Variants in SRGAP3 observed in about 807,000 individuals in gnomAD.
The protein encoded by SRGAP3 is SLIT-ROBO Rho GTPase-activating protein 3.
Under a neutral mutation model 121.1 loss-of-function variants are expected in SRGAP3, and 39 were observed. That is an observed-to-expected ratio of 0.32 (90% CI 0.25 to 0.42). The LOEUF (loss-of-function observed/expected upper bound fraction) is 0.42. SRGAP3 is among the 10% of genes least tolerant of loss of function. The pLI, the probability that SRGAP3 is intolerant of heterozygous loss-of-function variation, is 1.00. For missense variants in SRGAP3, 1,213 were observed against 1,470.6 expected (o/e 0.82, Z 2.86); for synonymous variants, 601 against 570.0 (o/e 1.05, Z -0.77).
At chr3:9,202,583 C>A (rs1250090691) in intron 1 of SRGAP3, among the ~76,000 whole-genome samples, 1 of 152,232 alleles carries the variant, frequency 6.6e-6, no homozygotes, top group Non-Finnish European at 1.5e-5. Context: ...AAGGCACAGA[C>A]CTCCACATGG....
intron 1 of SRGAP3, among the ~76,000 whole-genome samples, chr3:9,188,490 C>T (rs547825412): frequency 6.6e-6 from 1 of 152,322 alleles, no homozygotes; most frequent in African/African-American, 2.4e-5. Flanking sequence ...CCTGTCTCCA[C>T]CCAGCAATCA....
chr3:9,010,357 G>A lies in SRGAP3; in HGVS notation c.2178C>T (p.Ile726=), dbSNP rs200779287. 20 of 1,613,950 alleles carry A rather than the reference G, an allele frequency of 1.2e-5. No individual in the cohort carries two copies. The highest frequency in any genetic ancestry group is 6.7e-5 in the Admixed American group (4 of 59,982). Reference sequence around the variant, plus strand: ...TGCCATTGTCATGGTCAACTTCATCGATGGCCCCTGGCTCGCTGTGTGGGC... The same window carrying A: ...TGCCATTGTCATGGTCAACTTCATCAATGGCCCCTGGCTCGCTGTGTGGGC... The part of the protein sequence containing the change: ...CDSPHSEPGA[I]DEVDHDNGTE... The change falls in exon 18 of 22, where the codon ATC becomes ATT. Residue 726 remains isoleucine (I), a synonymous_variant. Transcript: ENST00000383836.
In SRGAP3 at chr3:9,281,793, C is replaced by T. The variant is rs1954685174; in HGVS notation, n.442+44217G>A. 4.6e-5 allele frequency among the ~76,000 whole-genome samples: 7 copies of T among 152,258 alleles called. No individual in the cohort carries two copies. The South Asian group carries it at 1.2e-3, about 27-fold the overall frequency. On this transcript the variant is annotated intron_variant and non_coding_transcript_variant, in intron 3 of 3. Transcript: ENST00000490889. ...GTTCAAGCGATTCTCATGCCTCAGT[C>T]TCCCAAGTAGTTGGGACTACAGGCA...
chr3:9,338,244 G>A (rs1955724649), intron 1 of SRGAP3, among the ~76,000 whole-genome samples: 1 of 152,166 alleles, frequency 6.6e-6, no homozygotes, highest in Non-Finnish European at 1.5e-5. Flanking sequence ...ATGGAAAAGT[G>A]CTTGCATATA....
intron 4 of SRGAP3, among the ~76,000 whole-genome samples, chr3:9,073,581 T>C (rs1946823442): frequency 6.6e-6 from 1 of 152,228 alleles, no homozygotes; most frequent in African/African-American, 2.4e-5. Flanking sequence ...CCACCTGGGC[T>C]CTCTGTGCCT....
At chr3:8,987,670 T>C (rs1941798400) in intron 21 of SRGAP3, among the ~76,000 whole-genome samples, 1 of 123,230 alleles carries the variant, frequency 8.1e-6, no homozygotes. Context: ...GTCTGGCTAA[T>C]GGCTAATATT....
At chr3:9,050,839 CG>C (rs546333178) in intron 9 of SRGAP3, among the ~76,000 whole-genome samples, 40 of 152,222 alleles carry the variant, frequency 2.6e-4, no homozygotes, top group Non-Finnish European at 2.1e-4. Flanking sequence ...TGCTAAGCTC[CG>C]CTTTGTTTTC....
chr3:9,016,650 T>G (rs2125042809), intron 14 of SRGAP3, among the ~76,000 whole-genome samples: 1 of 152,286 alleles, frequency 6.6e-6, no homozygotes, highest in East Asian at 1.9e-4. Context: ...ATACTCGAAG[T>G]GTCAAGATGA....
At chr3:9,132,181 C>A (rs1234170138) in intron 1 of SRGAP3, among the ~76,000 whole-genome samples, 3 of 152,184 alleles carry the variant, frequency 2.0e-5, no homozygotes, top group Non-Finnish European at 4.4e-5. Context: ...CCCCTCTCCA[C>A]TGCACAGTTT....
At position 9,109,422 on chromosome 3, in the gene SRGAP3, G is replaced by A. The variant is rs1405393570; in HGVS notation, c.261-4580C>T. Among the ~76,000 whole-genome samples the A allele has an allele frequency of 1.3e-5, 2 of 152,202 alleles. No homozygotes were observed. Among genetic ancestry groups the A allele is most frequent in the Non-Finnish European group, 2.9e-5 (2 of 68,028 alleles). Reference sequence around the variant, plus strand: ...TGCGGTATAAGACAGAATTGCAGGAGGCAGAGCGAGCCAAGGCAAGGAGGA... The same window carrying A: ...TGCGGTATAAGACAGAATTGCAGGAAGCAGAGCGAGCCAAGGCAAGGAGGA... On this transcript the variant is annotated intron_variant, in intron 2 of 21. Coordinates refer to ENST00000383836, the MANE Select transcript of SRGAP3 (RefSeq NM_014850.4). The surrounding 1 kb of genome is among the most constrained non-coding windows in gnomAD (Gnocchi z 4.4).
At chr3:9,102,630 G>C (rs1948261253) in intron 3 of SRGAP3, among the ~76,000 whole-genome samples, 1 of 152,224 alleles carries the variant, frequency 6.6e-6, no homozygotes, top group African/African-American at 2.4e-5. Flanking sequence ...AGCCAGCCAG[G>C]CTCCGTCCGC....
intron 1 of SRGAP3, among the ~76,000 whole-genome samples, chr3:9,357,726 T>C (rs368576205): frequency 6.6e-6 from 1 of 152,194 alleles, no homozygotes; most frequent in African/African-American, 2.4e-5. Flanking sequence ...AGGATACTAT[T>C]TATTTTCATT....
rs150506307 is a variant in SRGAP3 at position 9,048,917 on chromosome 3, A to T, written c.1324-1442T>A. Among the ~76,000 whole-genome samples, 293 of 152,306 alleles carry T rather than the reference A, an allele frequency of 1.9e-3. 3 individuals carry two copies. The highest frequency in any genetic ancestry group is 3.9e-3 in the East Asian group (20 of 5,190). On this transcript the variant is annotated intron_variant, in intron 9 of 21. Transcript: ENST00000383836. ...AGTGGACATTTGAGCCAAGGCCTGA[A>T]GGAGGTAGAAAGGGGGCCACATGGG...
intron 1 of SRGAP3, among the ~76,000 whole-genome samples, chr3:9,147,420 C>T (rs959848763): frequency 6.6e-6 from 1 of 152,118 alleles, no homozygotes; most frequent in East Asian, 1.9e-4. Context: ...GACCACAAAC[C>T]TACAGCAGCC....
At chr3:9,074,202 T>C (rs1946852718) in intron 4 of SRGAP3, among the ~76,000 whole-genome samples, 1 of 152,092 alleles carries the variant, frequency 6.6e-6, no homozygotes, top group Non-Finnish European at 1.5e-5. Context: ...CCAGTGGAGA[T>C]GGGGAATGGA....
intron 3 of SRGAP3, among the ~76,000 whole-genome samples, chr3:9,263,281 G>C (rs567405055): frequency 6.6e-6 from 1 of 151,918 alleles, no homozygotes; most frequent in Non-Finnish European, 1.5e-5. Context: ...ATCTAAAATC[G>C]ATACCCTAAC....
intron 1 of SRGAP3, among the ~76,000 whole-genome samples, chr3:9,343,697 G>A (rs1955832188): frequency 6.6e-6 from 1 of 151,988 alleles, no homozygotes; most frequent in South Asian, 2.1e-4. Context: ...TTGAGACAGG[G>A]TCTTTCTCTG....
chr3:9,148,745 A>G (rs147815836), intron 1 of SRGAP3, among the ~76,000 whole-genome samples: 3 of 152,176 alleles, frequency 2.0e-5, no homozygotes, highest in Non-Finnish European at 4.4e-5. Flanking sequence ...CCACTACCCC[A>G]TGCTCCTCCC....
intron 1 of SRGAP3, chr3:9,216,491 C>T (rs2125189595): frequency 7.0e-6 from 1 of 143,352 alleles, no homozygotes; most frequent in Admixed American, 6.9e-5. Flanking sequence ...CCACCTTCCT[C>T]CTACACTTCA....
Sources: gnomAD v4.1 joint callset for allele counts (sites outside exome capture counted in the v4.1 genomes callset) on GRCh38, gnomAD v4.1.1 for gene constraint, Gnocchi (gnomAD v3.1) non-coding constraint, MANE v1.5 for transcripts, NCBI Gene and HGNC (gene_info 2026-07-23, HGNC 2026-07-21) for gene names.